Variants in TSHZ2 observed in about 807,000 individuals in gnomAD.
TSHZ2 encodes the protein teashirt homolog 2.
TSHZ2 carries 21 observed loss-of-function variants against 74.4 expected under a neutral mutation model. That is an observed-to-expected ratio of 0.28 (90% confidence interval 0.20 to 0.41). The LOEUF (loss-of-function observed/expected upper bound fraction) is 0.41. Ranked by LOEUF, TSHZ2 falls within the 10% of genes least tolerant of loss-of-function variation. The pLI, the probability that TSHZ2 is intolerant of heterozygous loss-of-function variation, is 1.00. For synonymous variants in TSHZ2, 540 were observed against 515.3 expected, an observed-to-expected ratio of 1.05 and a Z score of -0.65; for missense variants, 1,244 against 1,293.5, an observed-to-expected ratio of 0.96 and a Z score of 0.59.
At chr20:53,031,546 C>T (rs531716910) in intron 1 of TSHZ2, among the ~76,000 whole-genome samples, 1 of 152,290 alleles carries the variant, frequency 6.6e-6, no homozygotes, top group Admixed American at 6.5e-5. Flanking sequence ...CATCTGACTC[C>T]TGCGTGCTTG....
intron 1 of TSHZ2, among the ~76,000 whole-genome samples, chr20:53,154,315 TG>T (rs58400486): frequency 0.18 from 27,225 of 152,168 alleles, 2,577 homozygotes; most frequent in Admixed American, 0.22. Context: ...AAGAAGTAAA[TG>T]TTTTTTTAAC....
At chr20:53,207,234 AAG>A (rs1329473014) in intron 1 of TSHZ2, among the ~76,000 whole-genome samples, 2 of 152,182 alleles carry the variant, frequency 1.3e-5, no homozygotes, top group African/African-American at 2.4e-5. Flanking sequence ...AGTGAGAAGG[AAG>A]AGAGGGAAAT....
intron 1 of TSHZ2, among the ~76,000 whole-genome samples, chr20:53,075,348 T>C (rs1017559867): frequency 2.0e-5 from 3 of 152,212 alleles, no homozygotes; most frequent in African/African-American, 7.2e-5. Context: ...TTAAGAAAGA[T>C]CTTGGGTTTT....
At chr20:53,467,042 C>T (rs1194676960) in intron 2 of TSHZ2, among the ~76,000 whole-genome samples, 1 of 152,196 alleles carries the variant, frequency 6.6e-6, no homozygotes, top group Non-Finnish European at 1.5e-5. Context: ...CAATCCAAGG[C>T]TCTCTCTTCT....
chr20:53,342,787 G>A (rs1372523027), intron 2 of TSHZ2, among the ~76,000 whole-genome samples: 2 of 151,764 alleles, frequency 1.3e-5, no homozygotes, highest in South Asian at 4.2e-4. Context: ...ATTAAAGATT[G>A]ACCCGTTTGG....
Position 53,254,958 on chromosome 20 carries a change from C to T in TSHZ2, c.1500C>T (p.Tyr500=). Residue 500 remains tyrosine (Y), a synonymous_variant, in exon 2 of 3, where the codon TAC becomes TAT. Transcript: ENST00000371497. Reference sequence around the variant, plus strand: ...TAGACCCTACAATCAAATATCAATACCTAAGGGAGGAAGACTTGGAAGATG... The same window carrying T: ...TAGACCCTACAATCAAATATCAATATCTAAGGGAGGAAGACTTGGAAGATG... The part of the protein sequence containing the change: ...KPLDPTIKYQ[Y]LREEDLEDGS... 2 of 1,614,090 alleles carry T rather than the reference C, an allele frequency of 1.2e-6. No individual in the cohort carries two copies.
chr20:53,016,516 C>T (rs764373437), intron 1 of TSHZ2, among the ~76,000 whole-genome samples: 32 of 152,306 alleles, frequency 2.1e-4, no homozygotes, highest in Middle Eastern at 3.4e-3. Flanking sequence ...CCATCCTCAA[C>T]GCAGGCATCT....
chr20:53,317,423 A>G (rs933905619), intron 2 of TSHZ2, among the ~76,000 whole-genome samples: 2 of 152,196 alleles, frequency 1.3e-5, no homozygotes, highest in African/African-American at 2.4e-5. Flanking sequence ...CCACAGAAGC[A>G]TGGGGCTCAT....
At chr20:53,048,939 C>CT (rs1984329184) in intron 1 of TSHZ2, among the ~76,000 whole-genome samples, 1 of 152,216 alleles carries the variant, frequency 6.6e-6, no homozygotes, top group African/African-American at 2.4e-5. Context: ...ATTCACCCAG[C>CT]TGGCCAGTAA....
chr20:53,241,105 A>G (rs1392176358), intron 1 of TSHZ2, among the ~76,000 whole-genome samples: 1 of 152,206 alleles, frequency 6.6e-6, no homozygotes, highest in Non-Finnish European at 1.5e-5. Flanking sequence ...AGGTAGGGAC[A>G]AAGAAAAGAT....
intron 1 of TSHZ2, among the ~76,000 whole-genome samples, chr20:53,238,510 T>C (rs1017568415): frequency 5.3e-5 from 8 of 151,998 alleles, no homozygotes; most frequent in Non-Finnish European, 8.8e-5. Flanking sequence ...TGGTGTTCTG[T>C]GCCATAGTAA....
chr20:53,029,391 A>T (rs1983556161), intron 1 of TSHZ2, among the ~76,000 whole-genome samples: 1 of 152,234 alleles, frequency 6.6e-6, no homozygotes, highest in Admixed American at 6.5e-5. Context: ...AGGCATAAAG[A>T]TGGGCTAGGC....
At chr20:52,977,105 G>A (rs1350604666) in intron 1 of TSHZ2, among the ~76,000 whole-genome samples, 1 of 152,150 alleles carries the variant, frequency 6.6e-6, no homozygotes, top group Non-Finnish European at 1.5e-5. Flanking sequence ...CTGCAACAGA[G>A]CAGAAATGAC....
intron 2 of TSHZ2, among the ~76,000 whole-genome samples, chr20:53,386,996 G>A (rs533564820): frequency 6.6e-6 from 1 of 151,950 alleles, no homozygotes; most frequent in Non-Finnish European, 1.5e-5. Flanking sequence ...ATAGCCCGTG[G>A]TGTACCTTGG....
chr20:53,194,764 A>T (rs1988820670), intron 1 of TSHZ2, among the ~76,000 whole-genome samples: 1 of 152,098 alleles, frequency 6.6e-6, no homozygotes, highest in South Asian at 2.1e-4. Flanking sequence ...AGGAAGAGAA[A>T]CTCGCTCCCG....
In TSHZ2 at chr20:53,488,835, TAAAAAA is replaced by T; in HGVS notation, c.*1710_*1715del. On this transcript the variant is annotated 3_prime_UTR_variant, in exon 3 of 3. Transcript: ENST00000371497. ...TGATCCCTAAATTCAACATTGGGATTAAAAAAAAAAAAAAACTTCTTATTTACCTCC... is the reference window on the plus strand; with the variant it reads ...TGATCCCTAAATTCAACATTGGGATTAAAAAAAAACTTCTTATTTACCTCC... The T allele has an allele frequency of 1.6e-5, 5 of 303,658 alleles. No individual in the cohort carries two copies. Among genetic ancestry groups the T allele is most frequent in the South Asian group, 1.4e-4 (5 of 36,788 alleles). 18.8% of individuals were successfully genotyped at this position (303,658 alleles called of 1,614,324 possible).
chr20:53,236,533 C>T (rs1989942637), intron 1 of TSHZ2, among the ~76,000 whole-genome samples: 2 of 152,224 alleles, frequency 1.3e-5, no homozygotes, highest in Non-Finnish European at 2.9e-5. Flanking sequence ...GGAAAACTGA[C>T]ATGCCACAAG....
rs1448295052 is a variant in TSHZ2, at chr20:53,329,721, C to T, written c.*8+73150C>T. 2.6e-5 allele frequency among the ~76,000 whole-genome samples: 4 copies of T among 151,958 alleles called. No homozygotes were observed. In the South Asian group the frequency reaches 6.2e-4, roughly 24 times the overall value. ...CTGGAAGATATTCTAGGTAGTTTTCCGTAACTTTTCTAAAAACAAAGAAAT... is the reference window on the plus strand; with the variant it reads ...CTGGAAGATATTCTAGGTAGTTTTCTGTAACTTTTCTAAAAACAAAGAAAT... On this transcript the variant is annotated intron_variant, in intron 2 of 2. Coordinates refer to ENST00000371497, the MANE Select transcript of TSHZ2 (RefSeq NM_173485.6).
chr20:53,382,036 C>G (rs573980025), intron 2 of TSHZ2, among the ~76,000 whole-genome samples: 2 of 152,096 alleles, frequency 1.3e-5, no homozygotes, highest in Non-Finnish European at 2.9e-5. Flanking sequence ...CTCACACCCT[C>G]CTTGCAGGTG....
Sources: gnomAD v4.1 joint callset for allele counts (sites outside exome capture counted in the v4.1 genomes callset) on GRCh38, gnomAD v4.1.1 for gene constraint, MANE v1.5 for transcripts, NCBI Gene and HGNC (gene_info 2026-07-23, HGNC 2026-07-21) for gene names.